Variants in LINGO2 observed in about 807,000 individuals in gnomAD.
LINGO2 encodes leucine rich repeat and Ig domain containing 2.
Under a neutral mutation model 30.6 loss-of-function variants are expected in LINGO2, and 14 were observed. The ratio of observed to expected loss-of-function variants is 0.46; its 90% confidence interval spans 0.30 to 0.72. The LOEUF is 0.72. Ranked by LOEUF, LINGO2 falls within the 30% of genes least tolerant of loss-of-function variation. The pLI, the probability that LINGO2 is intolerant of heterozygous loss-of-function variation, is 0.07. For missense variants in LINGO2, 729 were observed against 751.7 expected (o/e 0.97, Z 0.35); for synonymous variants, 317 against 288.5 (o/e 1.10, Z -1.00).
chr9:28,356,441 G>C (rs1006247317), intron 3 of LINGO2, among the ~76,000 whole-genome samples: 5 of 152,100 alleles, frequency 3.3e-5, no homozygotes, highest in African/African-American at 1.2e-4. Context: ...CTCTGGGAAA[G>C]TTGAATGAGT....
chr9:27,983,244 A>G (rs1820966970), intron 5 of LINGO2, among the ~76,000 whole-genome samples: 1 of 151,944 alleles, frequency 6.6e-6, no homozygotes, highest in African/African-American at 2.4e-5. Context: ...CATAAAAAGC[A>G]TTAGTTAATA....
chr9:28,142,950 G>A (rs1827714948), intron 4 of LINGO2, among the ~76,000 whole-genome samples: 1 of 152,084 alleles, frequency 6.6e-6, no homozygotes. Context: ...TTCCTATGCT[G>A]GTCTATGGGG....
Position 27,949,234 on chromosome 9 carries a change from T to C in LINGO2, c.1438A>G (p.Met480Val), listed in dbSNP as rs764089619. 4.6e-5 allele frequency: 75 copies of C among 1,613,878 alleles called. No homozygotes were observed. The highest frequency in any genetic ancestry group is 6.7e-5 in the Admixed American group (4 of 59,990). Residue 480 changes from methionine to valine, a missense_variant, in exon 6 of 6, where the codon ATG (methionine) becomes GTG (valine). By Grantham distance (21) the Met-to-Val change is conservative (BLOSUM62 1). Coordinates refer to ENST00000379992, the Ensembl canonical transcript of LINGO2. ...GCATTGCTAGCGATGCAAACATACA[T>C]CCCGCTGTCTTGATCCTGGGCAAAG...
chr9:28,256,224 C>T (rs1822378599), intron 4 of LINGO2, among the ~76,000 whole-genome samples: 2 of 151,950 alleles, frequency 1.3e-5, no homozygotes, highest in South Asian at 4.1e-4. Context: ...CCTTAATGCT[C>T]ATATTTTTCT....
At chr9:28,271,249 T>G (rs1822929982) in intron 4 of LINGO2, among the ~76,000 whole-genome samples, 1 of 152,108 alleles carries the variant, frequency 6.6e-6, no homozygotes, top group African/African-American at 2.4e-5. Context: ...ATAGGCAATG[T>G]TTTAGTCAAA....
chr9:28,588,391 G>C lies in LINGO2; in HGVS notation c.-365+81809C>G, dbSNP rs77354742. On this transcript the variant is annotated intron_variant, in intron 1 of 5. Coordinates refer to ENST00000379992, the Ensembl canonical transcript of LINGO2. The stretch of plus-strand genomic sequence containing the variant: ...CATCATTCACACATTTTGCAGACTT[G>C]TTATCCAGTAGGATAACAATGGTGT... 3.4e-3 allele frequency among the ~76,000 whole-genome samples: 524 copies of C among 152,072 alleles called. 5 individuals are homozygous for C. Among genetic ancestry groups the C allele is most frequent in the Admixed American group, 6.6e-3 (101 of 15,254 alleles).
intron 4 of LINGO2, among the ~76,000 whole-genome samples, chr9:28,118,857 A>G (rs376652618): frequency 1.5e-4 from 23 of 152,182 alleles, no homozygotes; most frequent in East Asian, 9.6e-4. Flanking sequence ...GATCCTTGCC[A>G]TGAATAATGC....
At chr9:29,169,346 C>A in the LINGO2 span, among the ~76,000 whole-genome samples, 1 of 151,720 alleles carries the variant, frequency 6.6e-6, no homozygotes, top group African/African-American at 2.4e-5. Flanking sequence ...GAGAAGTATG[C>A]AGTAATCAAA....
At chr9:28,002,043 G>A (rs1821984005) in intron 5 of LINGO2, among the ~76,000 whole-genome samples, 1 of 152,184 alleles carries the variant, frequency 6.6e-6, no homozygotes, top group African/African-American at 2.4e-5. Context: ...TTGGGAAGGA[G>A]CACTTACTAT....
chr9:28,189,162 A>C (rs1819653675), intron 4 of LINGO2, among the ~76,000 whole-genome samples: 1 of 151,926 alleles, frequency 6.6e-6, no homozygotes, highest in Non-Finnish European at 1.5e-5. Context: ...CAAACCACTC[A>C]GAAATGAAAA....
chr9:29,198,808 G>T, the LINGO2 span, among the ~76,000 whole-genome samples: 1 of 152,110 alleles, frequency 6.6e-6, no homozygotes, highest in African/African-American at 2.4e-5. Context: ...ATGCATAGGT[G>T]AATGGAATAA....
intron 4 of LINGO2, among the ~76,000 whole-genome samples, chr9:28,064,002 C>T (rs1010236292): frequency 6.6e-6 from 1 of 152,062 alleles, no homozygotes; most frequent in Non-Finnish European, 1.5e-5. Context: ...TCCCAGTGGG[C>T]TTGTTGCAAA....
the LINGO2 span, among the ~76,000 whole-genome samples, chr9:28,991,052 C>T: frequency 1.6e-4 from 24 of 152,144 alleles, no homozygotes; most frequent in East Asian, 2.9e-3. Flanking sequence ...AGGCTTCAGA[C>T]GATCAAACTA....
At chr9:28,956,590 CTTTCCTT>C in the LINGO2 span, among the ~76,000 whole-genome samples, 2 of 112,590 alleles carry the variant, frequency 1.8e-5, no homozygotes, top group African/African-American at 6.8e-5. Context: ...CTCCCTCCCC[CTTTCCTT>C]CCTCCCTTCT....
chr9:28,503,928 C>T (rs1305480673), intron 1 of LINGO2, among the ~76,000 whole-genome samples: 1 of 151,812 alleles, frequency 6.6e-6, no homozygotes, highest in African/African-American at 2.4e-5. Flanking sequence ...AAAGGTAGAA[C>T]AAGAAAACAT....
At chr9:28,088,492 C>T (rs1825979607) in intron 4 of LINGO2, among the ~76,000 whole-genome samples, 1 of 152,012 alleles carries the variant, frequency 6.6e-6, no homozygotes, top group Non-Finnish European at 1.5e-5. Context: ...TTTCTTCCCT[C>T]ATCCCTCTCC....
chr9:28,317,837 CCA>C (rs1166587009), intron 3 of LINGO2, among the ~76,000 whole-genome samples: 1 of 152,160 alleles, frequency 6.6e-6, no homozygotes, highest in Non-Finnish European at 1.5e-5. Context: ...GTTCTGTCTG[CCA>C]CACAGGGTAT....
chr9:28,828,892 G>T, the LINGO2 span, among the ~76,000 whole-genome samples: 1 of 152,138 alleles, frequency 6.6e-6, no homozygotes, highest in African/African-American at 2.4e-5. Context: ...CTAGTGACAG[G>T]GACAGAAGGC....
At chr9:29,155,012 C>T in the LINGO2 span, among the ~76,000 whole-genome samples, 1 of 152,058 alleles carries the variant, frequency 6.6e-6, no homozygotes, top group Non-Finnish European at 1.5e-5. Flanking sequence ...AACAAAAGAG[C>T]AATAGTAATA....
Sources: gnomAD v4.1 joint callset for allele counts (sites outside exome capture counted in the v4.1 genomes callset) on GRCh38, gnomAD v4.1.1 for gene constraint, MANE v1.5 for transcripts, NCBI Gene and HGNC (gene_info 2026-07-23, HGNC 2026-07-21) for gene names.